The following SH3PXD2B variants were observed in gnomAD, a reference collection of about 807,000 sequenced individuals.
The protein encoded by SH3PXD2B is SH3 and PX domains 2B, also known as SH3 and PX domain-containing protein 2B.
A neutral mutation model predicts 73.1 loss-of-function variants in SH3PXD2B; 37 were observed. That is an observed-to-expected ratio of 0.51 (90% CI 0.39 to 0.67). SH3PXD2B has a LOEUF of 0.67. Ranked by LOEUF, SH3PXD2B falls within the 30% of genes least tolerant of loss-of-function variation. The pLI is 0.00. For missense variants in SH3PXD2B, 1,053 were observed against 1,197.8 expected (o/e 0.88, Z 1.78); for synonymous variants, 457 against 480.5 (o/e 0.95, Z 0.64).
intron 8 of SH3PXD2B, among the ~76,000 whole-genome samples, chr5:172,356,047 G>A (rs1441286849): frequency 6.6e-6 from 1 of 152,126 alleles, no homozygotes; most frequent in Admixed American, 6.5e-5. Context: ...CCTCCTGGAG[G>A]GAAGGAGTAG....
intron 2 of SH3PXD2B, among the ~76,000 whole-genome samples, chr5:172,414,640 T>C (rs1758779317): frequency 6.6e-6 from 1 of 152,094 alleles, no homozygotes; most frequent in Admixed American, 6.5e-5. Context: ...CGTAAGCCCC[T>C]GAGCCTAGCA....
At chr5:172,404,445 C>G (rs934886407) in intron 3 of SH3PXD2B, among the ~76,000 whole-genome samples, 1 of 152,146 alleles carries the variant, frequency 6.6e-6, no homozygotes, top group South Asian at 2.1e-4. Flanking sequence ...GTGCCCGCCA[C>G]CACGCCCAGC....
chr5:172,350,478 G>C lies in SH3PXD2B; in HGVS notation c.897C>G (p.Asp299Glu). 1 of 1,614,160 alleles carries C rather than the reference G, an allele frequency of 6.2e-7. No homozygotes were observed. The highest frequency in any genetic ancestry group is 8.5e-7 in the Non-Finnish European group (1 of 1,180,036). ...PGSPSHPGAL[D>E]LDGVSRQQNA... ...TCTGCTGCCGGGAAACACCATCCAA[G>C]TCAAGGGCACCCGGGTGGGAGGGTG... Residue 299 changes from aspartate (D) to glutamate (E), a missense_variant, in exon 10 of 13, where the codon GAC becomes GAG. By Grantham distance (45) the Asp-to-Glu change is conservative. Transcript: ENST00000311601.
intron 1 of SH3PXD2B, 23 bp downstream of exon 1, chr5:172,454,255 C>T (rs1361844945): frequency 1.9e-6 from 3 of 1,583,394 alleles, no homozygotes; most frequent in Non-Finnish European, 1.7e-6. Flanking sequence ...CTCAAGGGGG[C>T]GTGGGGGCCG....
rs565734351 is a variant in SH3PXD2B, at chr5:172,327,497, T to G, written c.1189-2117A>C. ...CCATTGCTCTTTTCATTGTGTATTT[T>G]TTAGCATATCCTTCAGGCACGCTCA... On this transcript the variant is annotated intron_variant, in intron 12 of 12. Coordinates refer to the SH3PXD2B transcript ENST00000519643. Among the ~76,000 whole-genome samples the G allele has an allele frequency of 3.3e-5, 5 of 152,318 alleles. No individual in the cohort carries two copies. The South Asian group carries it at 1.0e-3, about 32-fold the overall frequency.
downstream of SH3PXD2B, among the ~76,000 whole-genome samples, chr5:172,331,641 T>C (rs1468759737): frequency 6.6e-6 from 1 of 152,172 alleles, no homozygotes; most frequent in Non-Finnish European, 1.5e-5. Context: ...AGCTGGATCA[T>C]GTTTGGCGTG....
At chr5:172,422,590 G>T (rs1236200357) in intron 1 of SH3PXD2B, 94 bp from the exon 2 acceptor site, 4 of 1,233,210 alleles carry the variant, frequency 3.2e-6, no homozygotes, top group Non-Finnish European at 4.6e-6. Context: ...GAGTCAGAAA[G>T]ACGTGGGTTT....
At chr5:172,333,301 A>C (rs914541406), downstream of SH3PXD2B, among the ~76,000 whole-genome samples, 3 of 152,060 alleles carry the variant, frequency 2.0e-5, no homozygotes, top group African/African-American at 7.2e-5. Flanking sequence ...TTTGGACATA[A>C]AGGAAGCTTT....
intron 3 of SH3PXD2B, among the ~76,000 whole-genome samples, chr5:172,398,590 C>T (rs1040012514): frequency 1.3e-5 from 2 of 152,212 alleles, no homozygotes; most frequent in African/African-American, 4.8e-5. Context: ...TCAGGATAAA[C>T]TTCAACAGAC....
chr5:172,388,741 G>C (rs934967256), intron 4 of SH3PXD2B, among the ~76,000 whole-genome samples: 3 of 152,228 alleles, frequency 2.0e-5, no homozygotes, highest in African/African-American at 7.2e-5. Flanking sequence ...TTGGGCTGAG[G>C]GACAACAGAT....
At chr5:172,435,424 ATTTG>A (rs3057119) in intron 1 of SH3PXD2B, among the ~76,000 whole-genome samples, 51,392 of 151,482 alleles carry the variant, frequency 0.34, 9,141 homozygotes, top group Non-Finnish European at 0.42. Context: ...ATCTGGAGGT[ATTTG>A]TTTGTTTGTT....
At chr5:172,431,153 C>A (rs1464787583) in intron 1 of SH3PXD2B, among the ~76,000 whole-genome samples, 2 of 152,128 alleles carry the variant, frequency 1.3e-5, no homozygotes, top group African/African-American at 4.8e-5. Flanking sequence ...AGGCGTGAGC[C>A]ACCGCGCCCA....
intron 7 of SH3PXD2B, among the ~76,000 whole-genome samples, chr5:172,362,383 G>T (rs983666784): frequency 3.3e-5 from 5 of 152,184 alleles, no homozygotes; most frequent in African/African-American, 9.7e-5. Flanking sequence ...CAGAGCAATG[G>T]AGCCTTCTCG....
At chr5:172,343,098 G>A (rs1017444312) in intron 12 of SH3PXD2B, among the ~76,000 whole-genome samples, 3 of 152,216 alleles carry the variant, frequency 2.0e-5, no homozygotes, top group African/African-American at 4.8e-5. Context: ...ATGCTGCTGC[G>A]ATTAAATTAG....
intron 2 of SH3PXD2B, among the ~76,000 whole-genome samples, chr5:172,419,765 T>C (rs148141971): frequency 2.0e-5 from 3 of 152,142 alleles, no homozygotes; most frequent in East Asian, 3.9e-4. Context: ...TGGATGTAAA[T>C]AATTCCTGGG....
chr5:172,396,198 C>CAAAAAAAAAA, intron 3 of SH3PXD2B, among the ~76,000 whole-genome samples: 1 of 78,408 alleles, frequency 1.3e-5, no homozygotes, highest in Non-Finnish European at 2.3e-5. Flanking sequence ...ACTAAAAATA[C>CAAAAAAAAAA]AAAAAAAAAA....
intron 2 of SH3PXD2B, 33 bp downstream of exon 2, chr5:172,422,383 T>C (rs757168716): frequency 6.4e-7 from 1 of 1,567,518 alleles, no homozygotes; most frequent in East Asian, 2.3e-5. Flanking sequence ...CTCTTTCCGA[T>C]CCTGCAGCTC....
At chr5:172,404,849 T>C (rs1758515967) in intron 3 of SH3PXD2B, among the ~76,000 whole-genome samples, 1 of 152,206 alleles carries the variant, frequency 6.6e-6, no homozygotes. Flanking sequence ...ACCCAGGTTG[T>C]CTGACTCCAG....
At chr5:172,411,568 C>CTGTGT (rs1758697038) in intron 2 of SH3PXD2B, among the ~76,000 whole-genome samples, 1 of 152,190 alleles carries the variant, frequency 6.6e-6, no homozygotes, top group Non-Finnish European at 1.5e-5. Context: ...CTCATGCCAG[C>CTGTGT]TGTGTGTCTT....
Sources: allele counts gnomAD v4.1 joint callset (sites outside exome capture counted in the v4.1 genomes callset), GRCh38; gene constraint gnomAD v4.1.1; transcripts MANE v1.5; gene names NCBI Gene and HGNC (gene_info 2026-07-23, HGNC 2026-07-21).